The following FBXO9 variants were observed in gnomAD, a reference collection of about 807,000 sequenced individuals.
The protein encoded by FBXO9 is F-box protein 9, also known as F-box only protein 9.
In FBXO9, 43 loss-of-function variants were observed where a neutral mutation model predicts 63.7. The observed-to-expected ratio is 0.67, with a 90% confidence interval of 0.53 to 0.87. The LOEUF is 0.87. Ranked by LOEUF, FBXO9 falls within the 40% of genes least tolerant of loss-of-function variation. FBXO9 has a pLI of 0.00. For missense variants in FBXO9, 442 were observed against 533.2 expected, an observed-to-expected ratio of 0.83 and a Z score of 1.68; for synonymous variants, 156 against 171.7, an observed-to-expected ratio of 0.91 and a Z score of 0.72.
In FBXO9 at chr6:53,092,742, A is replaced by C; in HGVS notation, c.781A>C (p.Ile261Leu). 1.2e-6 allele frequency: 2 copies of C among 1,608,250 alleles called. No individual in the cohort carries two copies. The highest frequency in any genetic ancestry group is 1.7e-6 in the Non-Finnish European group (2 of 1,176,258). The change falls in exon 9 of 13, where the codon ATC becomes CTC. Residue 261 changes from isoleucine to leucine, a missense_variant. By Grantham distance (5) the Ile-to-Leu change is conservative (BLOSUM62 2). Coordinates refer to ENST00000323557, the MANE Select transcript of FBXO9 (RefSeq NM_033480.3). ...RPRVRFDGVY[I>L]SKTTYIRQGE... ...TAAAATTATTTTCATAGGCGTGTATATCAGTAAAACCACATATATTCGTCA... is the reference window on the plus strand; with the variant it reads ...TAAAATTATTTTCATAGGCGTGTATCTCAGTAAAACCACATATATTCGTCA...
rs763249249 is a variant in FBXO9, at chr6:53,092,730, A to G, written c.773-4A>G. ...TTTTTAACTTTTTAAAATTATTTTC[A>G]TAGGCGTGTATATCAGTAAAACCAC... On this transcript the variant is annotated splice_polypyrimidine_tract_variant and splice_region_variant and intron_variant, in intron 8 of 12. Transcript: ENST00000323557. The G allele has an allele frequency of 1.3e-6, 2 of 1,591,828 alleles. No individual in the cohort carries two copies. Among genetic ancestry groups the G allele is most frequent in the African/African-American group, 1.3e-5 (1 of 74,086 alleles).
chr6:53,077,829 G>A (rs954109807), intron 4 of FBXO9, among the ~76,000 whole-genome samples: 1 of 152,138 alleles, frequency 6.6e-6, no homozygotes, highest in African/African-American at 2.4e-5. Flanking sequence ...TTAGTGTATG[G>A]TGTAATTCAT....
At chr6:53,089,848 C>T (rs1762996990) in intron 7 of FBXO9, among the ~76,000 whole-genome samples, 1 of 152,182 alleles carries the variant, frequency 6.6e-6, no homozygotes, top group African/African-American at 2.4e-5. Context: ...GTGCTCAGAG[C>T]ACTCAAGTAA....
intron 7 of FBXO9, 108 bp from the exon 8 acceptor site, chr6:53,092,321 C>T (rs1763062827): frequency 2.6e-6 from 2 of 766,318 alleles, no homozygotes; most frequent in Non-Finnish European, 2.2e-6. Context: ...ACAGTGCCTC[C>T]CAGGTGTTCA....
chr6:53,088,448 A>G (rs1383622320), intron 7 of FBXO9, among the ~76,000 whole-genome samples: 1 of 152,246 alleles, frequency 6.6e-6, no homozygotes, highest in African/African-American at 2.4e-5. Context: ...CTGGAATCCC[A>G]GAAAACCTGG....
intron 5 of FBXO9, among the ~76,000 whole-genome samples, chr6:53,080,650 T>C (rs924520934): frequency 2.0e-5 from 3 of 152,210 alleles, no homozygotes; most frequent in African/African-American, 7.2e-5. Flanking sequence ...TACGTTAAGA[T>C]TTTTGAAACC....
At chr6:53,083,238 T>G (rs1030590991) in intron 7 of FBXO9, among the ~76,000 whole-genome samples, 1 of 152,222 alleles carries the variant, frequency 6.6e-6, no homozygotes, top group Non-Finnish European at 1.5e-5. Flanking sequence ...TTCAGATGCA[T>G]TATTTTTAAA....
intron 1 of FBXO9, among the ~76,000 whole-genome samples, chr6:53,067,372 G>C (rs946582746): frequency 1.3e-5 from 2 of 152,106 alleles, no homozygotes; most frequent in African/African-American, 4.8e-5. Flanking sequence ...TCTAGTAAAT[G>C]AAACAGCCAA....
rs756294442 is a variant in FBXO9, at chr6:53,073,591, A to G, written c.201A>G (p.Lys67=). The change falls in exon 3 of 13, where the codon AAA becomes AAG. Residue 67 remains lysine, a synonymous_variant. Transcript: ENST00000323557. ...GAGCAGCAAGAGGCTCTCTCCAGAAAACATCGGCAGATACCAAAGGAAAAC... is the reference window on the plus strand; with the variant it reads ...GAGCAGCAAGAGGCTCTCTCCAGAAGACATCGGCAGATACCAAAGGAAAAC... ...PCRAARGSLQ[K]TSADTKGKQE... 2.5e-6 allele frequency: 4 copies of G among 1,609,406 alleles called. No individual in the cohort carries two copies. The highest frequency in any genetic ancestry group is 3.4e-6 in the Non-Finnish European group (4 of 1,177,508).
At position 53,092,477 on chromosome 6, in the gene FBXO9, C is replaced by G; in HGVS notation, c.702C>G (p.Ser234Arg). Reference sequence around the variant, plus strand: ...CCTGCTTGAAAGTTTGGGGCAGAAGCTGTATTAAACTTGTTCCGTACACGT... The same window carrying G: ...CCTGCTTGAAAGTTTGGGGCAGAAGGTGTATTAAACTTGTTCCGTACACGT... The part of the protein sequence containing the change: ...RLACLKVWGR[S>R]CIKLVPYTSW... Residue 234 changes from serine to arginine, a missense_variant, in exon 8 of 13, where the codon AGC becomes AGG. Coordinates refer to ENST00000323557, the MANE Select transcript of FBXO9 (RefSeq NM_033480.3). 6.2e-7 allele frequency: 1 copy of G among 1,613,936 alleles called. No homozygotes were observed. Among genetic ancestry groups the G allele is most frequent in the Non-Finnish European group, 8.5e-7 (1 of 1,179,878 alleles).
Position 53,098,158 on chromosome 6 carries a change from C to A in FBXO9, c.*328C>A. Reference sequence around the variant, plus strand: ...GAGGTTTATCATGCCCTTTTTCAAGCAGATTTATGAGCAGATTTCTGTCAC... The same window carrying A: ...GAGGTTTATCATGCCCTTTTTCAAGAAGATTTATGAGCAGATTTCTGTCAC... On this transcript the variant is annotated 3_prime_UTR_variant, in exon 13 of 13. Transcript: ENST00000323557. 1 of 382,766 alleles carries A rather than the reference C, an allele frequency of 2.6e-6. No homozygotes were observed. Among genetic ancestry groups the A allele is most frequent in the Non-Finnish European group, 5.4e-6 (1 of 185,736 alleles). The allele number at this position is 382,766 out of a possible 1,614,324, so 23.7% of individuals were successfully genotyped here. A position where few individuals can be genotyped will look rare whatever the true frequency, so the allele number is the denominator to read the frequency against.
chr6:53,088,095 CA>C (rs1762945627), intron 7 of FBXO9, among the ~76,000 whole-genome samples: 2 of 151,848 alleles, frequency 1.3e-5, no homozygotes, highest in Admixed American at 1.3e-4. Context: ...TTTTTTTAAC[CA>C]AAAATATATC....
intron 4 of FBXO9, among the ~76,000 whole-genome samples, chr6:53,077,668 G>A (rs1233942774): frequency 1.3e-5 from 2 of 152,058 alleles, no homozygotes; most frequent in Non-Finnish European, 1.5e-5. Flanking sequence ...TGCTTGAATC[G>A]TTTGAAAATG....
rs1460056963 is a variant in FBXO9 at position 53,099,945 on chromosome 6, AT to A, written c.*2118del. On this transcript the variant is annotated 3_prime_UTR_variant, in exon 13 of 13. Coordinates refer to ENST00000323557, the MANE Select transcript of FBXO9 (RefSeq NM_033480.3). The stretch of plus-strand genomic sequence containing the variant: ...AAAATATATTCCTAAGGAAAGTGAG[AT>A]TTGAGGAGTCCCTGTTGTTCTGCAA... The A allele has an allele frequency of 6.6e-6, 1 of 152,204 alleles. No homozygotes were observed. Among genetic ancestry groups the A allele is most frequent in the Non-Finnish European group, 1.5e-5 (1 of 68,032 alleles). The allele number at this position is 152,204 out of a possible 1,614,324, so 9.4% of individuals were successfully genotyped here.
At position 53,076,469 on chromosome 6, in the gene FBXO9, A is replaced by G. The variant is rs757283584; in HGVS notation, c.250-17A>G. ...TTAATGCAGGTTTTCAAAAATTTTT[A>G]CTTTATATTTTTATAGGCTCGAGAA... On this transcript the variant is annotated splice_polypyrimidine_tract_variant and intron_variant, in intron 3 of 12. Transcript: ENST00000323557. The G allele has an allele frequency of 1.1e-5, 16 of 1,511,832 alleles. No individual in the cohort carries two copies. In the South Asian group the frequency reaches 1.5e-4, roughly 14 times the overall value. 93.7% of individuals were successfully genotyped at this position (1,511,832 alleles called of 1,614,324 possible). A position where few individuals can be genotyped will look rare whatever the true frequency, so the allele number is the denominator to read the frequency against.
chr6:53,081,938 G>A (rs1032351672), intron 6 of FBXO9, among the ~76,000 whole-genome samples: 2 of 152,018 alleles, frequency 1.3e-5, no homozygotes, highest in Non-Finnish European at 2.9e-5. Flanking sequence ...GCGTCGTGGC[G>A]CATGACTGTA....
Position 53,065,513 on chromosome 6 carries a change from G to A in FBXO9, c.-277G>A. 1 of 380,412 alleles carries A rather than the reference G, an allele frequency of 2.6e-6. No homozygotes were observed. The highest frequency in any genetic ancestry group is 4.7e-6 in the Non-Finnish European group (1 of 213,872). The allele number at this position is 380,412 out of a possible 1,614,324, so 23.6% of individuals were successfully genotyped here. On this transcript the variant is annotated 5_prime_UTR_variant, in exon 1 of 13. Transcript: ENST00000323557. ...CGGTGCTCGCACAATCCCCCGCCTC[G>A]GCTGGCAACGGGCGTCCCTCCACTC...
chr6:53,068,038 C>T (rs1768768927), intron 1 of FBXO9: 1 of 151,986 alleles, frequency 6.6e-6, no homozygotes, highest in Non-Finnish European at 1.5e-5. Flanking sequence ...TAATATAGTG[C>T]AAGTATATCT....
At chr6:53,079,116 A>G (rs1376337727) in intron 5 of FBXO9, among the ~76,000 whole-genome samples, 1 of 152,220 alleles carries the variant, frequency 6.6e-6, no homozygotes, top group Non-Finnish European at 1.5e-5. Flanking sequence ...AGATACAAAA[A>G]TAAACAGATA....
Sources: allele counts gnomAD v4.1 joint callset (sites outside exome capture counted in the v4.1 genomes callset), GRCh38; gene constraint gnomAD v4.1.1; transcripts MANE v1.5; gene names NCBI Gene and HGNC (gene_info 2026-07-23, HGNC 2026-07-21).